The following PDE12 variants were observed in gnomAD, a reference collection of about 807,000 sequenced individuals.
The protein encoded by PDE12 is phosphodiesterase 12, also known as 2',5'-phosphodiesterase 12.
In PDE12, 26 loss-of-function variants were observed where a neutral mutation model predicts 45.4. The observed-to-expected ratio is 0.57, with a 90% confidence interval of 0.42 to 0.79. PDE12 has a LOEUF of 0.79. Ranked by LOEUF, PDE12 falls within the 30% of genes least tolerant of loss-of-function variation. The pLI is 0.00. For missense variants in PDE12, 668 were observed against 790.0 expected, an observed-to-expected ratio of 0.85 and a Z score of 1.85; for synonymous variants, 283 against 323.9, an observed-to-expected ratio of 0.87 and a Z score of 1.36.
At chr3:57,628,438 A>G in the PDE12 span, 1 of 1,459,140 alleles carries the variant, frequency 6.9e-7, no homozygotes, top group Non-Finnish European at 9.1e-7. Context: ...AAGGTCTAAC[A>G]ATTAGATACT....
chr3:57,635,937 T>C, the PDE12 span, among the ~76,000 whole-genome samples: 4 of 152,320 alleles, frequency 2.6e-5, no homozygotes, highest in East Asian at 7.7e-4. Flanking sequence ...ACTTTTATGA[T>C]GATCCACTTC....
At chr3:57,581,536 C>T in the PDE12 span, among the ~76,000 whole-genome samples, 20,308 of 152,242 alleles carry the variant, frequency 0.13, 1,442 homozygotes, top group South Asian at 0.21. Flanking sequence ...CGCAGTAGCT[C>T]ATGCCTGTAA....
Position 57,556,318 on chromosome 3 carries a change from T to TC in PDE12, c.-60dup. 1 of 1,475,172 alleles carries TC rather than the reference T, an allele frequency of 6.8e-7. No homozygotes were observed. The highest frequency in any genetic ancestry group is 9.0e-7 in the Non-Finnish European group (1 of 1,109,728). The allele number at this position is 1,475,172 out of a possible 1,614,324, so 91.4% of individuals were successfully genotyped here. A position where few individuals can be genotyped will look rare whatever the true frequency, so the allele number is the denominator to read the frequency against. The stretch of plus-strand genomic sequence containing the variant: ...AAGCCGGCGGCCTCGGCTCCTCAGC[T>TC]CCACCTGACAGTAGGCCGCTGATCG... On this transcript the variant is annotated 5_prime_UTR_variant, in exon 1 of 3. An upstream open reading frame in the 5' UTR loses its in-frame stop. Transcript: ENST00000311180. This position sits in a 1 kb window ranked among gnomAD's most constrained non-coding sequence, Gnocchi z 5.0.
chr3:57,650,916 C>T, the PDE12 span, among the ~76,000 whole-genome samples: 1 of 151,978 alleles, frequency 6.6e-6, no homozygotes, highest in African/African-American at 2.4e-5. Context: ...TCCAGAGTAG[C>T]TGGGATTACA....
the PDE12 span, among the ~76,000 whole-genome samples, chr3:57,642,732 C>T: frequency 3.9e-5 from 6 of 152,124 alleles, no homozygotes; most frequent in Middle Eastern, 3.4e-3. Context: ...CGGCCAGGCG[C>T]GGTGGCTCAC....
chr3:57,584,473 A>C, the PDE12 span: 5 of 1,606,356 alleles, frequency 3.1e-6, no homozygotes, highest in Admixed American at 3.4e-5. Flanking sequence ...AACTAGAAGA[A>C]GACATTATAG....
chr3:57,593,921 C>G, the PDE12 span, among the ~76,000 whole-genome samples: 2 of 150,700 alleles, frequency 1.3e-5, no homozygotes. Context: ...CTCAGCTACT[C>G]AAAAGGAAAA....
chr3:57,639,299 C>T, the PDE12 span, among the ~76,000 whole-genome samples: 1 of 152,172 alleles, frequency 6.6e-6, no homozygotes, highest in Non-Finnish European at 1.5e-5. Context: ...TAGGAACCCT[C>T]ATACATTGCT....
At chr3:57,601,260 C>T in the PDE12 span, among the ~76,000 whole-genome samples, 1 of 152,060 alleles carries the variant, frequency 6.6e-6, no homozygotes, top group Non-Finnish European at 1.5e-5. Context: ...CAGGCACATG[C>T]CACTGCGCCC....
the PDE12 span, among the ~76,000 whole-genome samples, chr3:57,608,402 G>A: frequency 1.3e-5 from 2 of 152,100 alleles, no homozygotes; most frequent in Admixed American, 6.5e-5. Context: ...AACCTTAAAT[G>A]TAAATGGGCT....
downstream of PDE12, among the ~76,000 whole-genome samples, chr3:57,567,497 C>G (rs1189200208): frequency 6.6e-6 from 1 of 152,136 alleles, no homozygotes; most frequent in Non-Finnish European, 1.5e-5. Flanking sequence ...TCATTTCTCA[C>G]AATCTTATTA....
At chr3:57,585,343 A>G in the PDE12 span, among the ~76,000 whole-genome samples, 1 of 152,238 alleles carries the variant, frequency 6.6e-6, no homozygotes, top group Non-Finnish European at 1.5e-5. Context: ...TGGTATAACT[A>G]TGTTCTAATG....
Position 57,561,055 on chromosome 3 carries a change from C to T in PDE12, c.*1051C>T. ...ACAGTTTATATTCTAATTCTTACTG[C>T]AGCTCATTTTAATTTTTAGGATGCA... On this transcript the variant is annotated 3_prime_UTR_variant, in exon 3 of 3. Coordinates refer to ENST00000311180, the MANE Select transcript of PDE12 (RefSeq NM_177966.7). 1.5e-5 allele frequency: 15 copies of T among 977,030 alleles called. No homozygotes were observed. The highest frequency in any genetic ancestry group is 1.8e-5 in the Non-Finnish European group (15 of 821,972). The allele number at this position is 977,030 out of a possible 1,614,324, so 60.5% of individuals were successfully genotyped here. A position where few individuals can be genotyped will look rare whatever the true frequency, so the allele number is the denominator to read the frequency against.
chr3:57,579,253 C>CAAAAAAAAA, the PDE12 span, among the ~76,000 whole-genome samples: 4 of 47,598 alleles, frequency 8.4e-5, no homozygotes, highest in African/African-American at 8.7e-5. Context: ...AACTACATCT[C>CAAAAAAAAA]AAAAAAAAAA....
Position 57,557,271 on chromosome 3 carries a change from G to T in PDE12, c.892G>T (p.Val298Phe). 6.2e-7 allele frequency: 1 copy of T among 1,613,920 alleles called. No individual in the cohort carries two copies. Among genetic ancestry groups the T allele is most frequent in the Non-Finnish European group, 8.5e-7 (1 of 1,180,024 alleles). The part of the protein sequence containing the change: ...KVTEDALIRT[V>F]SYNILADTYA... ...GACTGAGGACGCTCTCATCCGCACT[G>T]TCTCTTACAACATCCTGGCAGACAC... The change falls in exon 1 of 3, where the codon GTC (valine) becomes TTC (phenylalanine). Residue 298 changes from valine to phenylalanine, a missense_variant. By Grantham distance (50) the Val-to-Phe change is conservative. Coordinates refer to ENST00000311180, the MANE Select transcript of PDE12 (RefSeq NM_177966.7).
At chr3:57,643,826 C>CAAA in the PDE12 span, among the ~76,000 whole-genome samples, 2 of 94,192 alleles carry the variant, frequency 2.1e-5, no homozygotes, top group African/African-American at 3.9e-5. Flanking sequence ...GACTCTGTCT[C>CAAA]AAAAAAAAAA....
At chr3:57,595,952 CA>C in the PDE12 span, among the ~76,000 whole-genome samples, 372 of 129,218 alleles carry the variant, frequency 2.9e-3, no homozygotes, top group Middle Eastern at 8.3e-3. Flanking sequence ...ACTCCGTCTG[CA>C]AAAAAAAAAA....
At chr3:57,635,100 A>AGT in the PDE12 span, among the ~76,000 whole-genome samples, 2 of 152,204 alleles carry the variant, frequency 1.3e-5, no homozygotes, top group African/African-American at 4.8e-5. Flanking sequence ...TAAAACTGAA[A>AGT]ATTTAGATGC....
chr3:57,620,848 T>C, the PDE12 span, among the ~76,000 whole-genome samples: 1 of 152,066 alleles, frequency 6.6e-6, no homozygotes, highest in Non-Finnish European at 1.5e-5. Flanking sequence ...AAAACAAACA[T>C]ACATATACTT....
Sources: gnomAD v4.1 joint callset for allele counts (sites outside exome capture counted in the v4.1 genomes callset) on GRCh38, gnomAD v4.1.1 for gene constraint, Gnocchi (gnomAD v3.1) non-coding constraint, MANE v1.5 for transcripts, NCBI Gene and HGNC (gene_info 2026-07-23, HGNC 2026-07-21) for gene names.